The following TRMT44 variants were observed in gnomAD, a reference collection of about 807,000 sequenced individuals.
TRMT44 encodes the protein tRNA methyltransferase 44 homolog, also known as probable tRNA (uracil-O(2)-)-methyltransferase.
In TRMT44, 78 loss-of-function variants were observed where a neutral mutation model predicts 77.3. The observed-to-expected ratio is 1.01, with a 90% confidence interval of 0.84 to 1.22. The LOEUF (loss-of-function observed/expected upper bound fraction) is 1.22. Ranked by LOEUF, TRMT44 falls within the 50% of genes most tolerant of loss-of-function variation. The pLI is 0.00. For missense variants in TRMT44, 1,090 were observed against 964.4 expected (o/e 1.13, Z -1.73); for synonymous variants, 391 against 383.3 (o/e 1.02, Z -0.23).
intron 2 of TRMT44, among the ~76,000 whole-genome samples, chr4:8,449,378 C>T (rs1390939157): frequency 6.6e-6 from 1 of 152,214 alleles, no homozygotes; most frequent in Non-Finnish European, 1.5e-5. Context: ...GACTCTGGCT[C>T]CTTGTGCATG....
the TRMT44 span, chr4:8,508,667 A>T: frequency 2.0e-5 from 3 of 152,308 alleles, no homozygotes; most frequent in African/African-American, 7.2e-5. Flanking sequence ...CAGATCCCCC[A>T]TGAGTGTGAG....
downstream of TRMT44, among the ~76,000 whole-genome samples, chr4:8,496,500 C>G (rs1728155501): frequency 6.6e-6 from 1 of 152,178 alleles, no homozygotes. Context: ...CATGCAGGAG[C>G]TCAACCATGC....
intron 6 of TRMT44, among the ~76,000 whole-genome samples, chr4:8,457,402 A>G (rs1190905409): frequency 6.6e-6 from 1 of 152,166 alleles, no homozygotes; most frequent in African/African-American, 2.4e-5. Flanking sequence ...GTAAGGGACT[A>G]CCTTTTAAAG....
At position 8,461,076 on chromosome 4, in the gene TRMT44, C is replaced by T. The variant is rs555496807; in HGVS notation, c.1204-2909C>T. The stretch of plus-strand genomic sequence containing the variant: ...ATGTTGCCCAGGCTGGTCTCAAACT[C>T]TGGGGCTCAAGTGATCCTCCCACCT... On this transcript the variant is annotated intron_variant, in intron 6 of 10. Transcript: ENST00000389737. This position sits in a 1 kb window ranked among gnomAD's most constrained non-coding sequence, Gnocchi z 4.6. Among the ~76,000 whole-genome samples the T allele has an allele frequency of 6.6e-6, 1 of 151,826 alleles. No individual in the cohort carries two copies. The highest frequency in any genetic ancestry group is 1.5e-5 in the Non-Finnish European group (1 of 67,998).
chr4:8,502,002 C>T, the TRMT44 span, among the ~76,000 whole-genome samples: 1 of 152,212 alleles, frequency 6.6e-6, no homozygotes, highest in Non-Finnish European at 1.5e-5. Context: ...CAGGAGGAGA[C>T]AGACAACTGG....
At chr4:8,489,425 G>A (rs1189368714) in intron 2 of TRMT44, among the ~76,000 whole-genome samples, 1 of 152,100 alleles carries the variant, frequency 6.6e-6, no homozygotes, top group African/African-American at 2.4e-5. Context: ...CATAGGGCTG[G>A]GCTAACTTTG....
rs1435473190 is a variant in TRMT44 at position 8,440,981 on chromosome 4, C to T, written c.159C>T (p.Cys53=). The T allele has an allele frequency of 2.6e-6, 4 of 1,523,194 alleles. No homozygotes were observed. Among genetic ancestry groups the T allele is most frequent in the Non-Finnish European group, 3.5e-6 (4 of 1,142,292 alleles). The allele number at this position is 1,523,194 out of a possible 1,614,324, so 94.4% of individuals were successfully genotyped here. The part of the protein sequence containing the change: ...LEARWSAALP[C]AEARGPGTSA... Reference sequence around the variant, plus strand: ...CCCGCTGGAGCGCCGCCCTGCCCTGCGCGGAGGCCCGCGGCCCCGGGACTA... The same window carrying T: ...CCCGCTGGAGCGCCGCCCTGCCCTGTGCGGAGGCCCGCGGCCCCGGGACTA... The change falls in exon 1 of 11, where the codon TGC becomes TGT. Residue 53 remains cysteine (C), a synonymous_variant. Coordinates refer to ENST00000389737, the MANE Select transcript of TRMT44 (RefSeq NM_152544.3).
chr4:8,479,320 G>A (rs572574232), downstream of TRMT44: 2 of 152,004 alleles, frequency 1.3e-5, no homozygotes, highest in Admixed American at 1.3e-4. Context: ...AGAAAGCACA[G>A]TCATGTGTCA....
chr4:8,495,926 G>A (rs1728136672), downstream of TRMT44, among the ~76,000 whole-genome samples: 1 of 152,240 alleles, frequency 6.6e-6, no homozygotes, highest in Non-Finnish European at 1.5e-5. Context: ...CAATCAGACT[G>A]GTCGTGGGCG....
intron 9 of TRMT44, 149 bp downstream of exon 9, chr4:8,468,495 A>C: frequency 1.3e-6 from 1 of 746,042 alleles, no homozygotes; most frequent in East Asian, 2.6e-5. Flanking sequence ...GGCTCTCTTC[A>C]AGCAAATTCT....
At chr4:8,506,947 G>A in the TRMT44 span, 2 of 152,850 alleles carry the variant, frequency 1.3e-5, no homozygotes, top group East Asian at 1.9e-4. Context: ...CAGCGTGGGT[G>A]GAATTGTGGA....
chr4:8,496,986 A>C (rs1728167826), downstream of TRMT44, among the ~76,000 whole-genome samples: 1 of 152,158 alleles, frequency 6.6e-6, no homozygotes, highest in African/African-American at 2.4e-5. Context: ...CTTCACTCTA[A>C]GAAAAGTAAA....
At chr4:8,503,783 T>C in the TRMT44 span, among the ~76,000 whole-genome samples, 2,240 of 152,342 alleles carry the variant, frequency 0.015, 51 homozygotes, top group African/African-American at 0.051. Flanking sequence ...TGTCCCCGCA[T>C]CTCTGGCTGT....
At chr4:8,487,423 G>T (rs757436086) in intron 2 of TRMT44, among the ~76,000 whole-genome samples, 2 of 152,000 alleles carry the variant, frequency 1.3e-5, no homozygotes, top group South Asian at 2.1e-4. Flanking sequence ...GGGTCGGATC[G>T]TGGAAATAAG....
At chr4:8,482,200 A>T (rs537069104) in intron 2 of TRMT44, 1 of 152,004 alleles carries the variant, frequency 6.6e-6, no homozygotes, top group African/African-American at 2.4e-5. Flanking sequence ...TTCTTCAGGA[A>T]CCGCCTGGAG....
At chr4:8,468,753 C>T (rs1337435325) in intron 9 of TRMT44, among the ~76,000 whole-genome samples, 1 of 152,138 alleles carries the variant, frequency 6.6e-6, no homozygotes, top group Non-Finnish European at 1.5e-5. Flanking sequence ...CTTTGAAATC[C>T]CCAAAACACA....
downstream of TRMT44, among the ~76,000 whole-genome samples, chr4:8,496,146 C>T (rs548204056): frequency 6.6e-6 from 1 of 152,340 alleles, no homozygotes; most frequent in South Asian, 2.1e-4. Context: ...TAGAGTGAAG[C>T]AATGGGAAAC....
intron 9 of TRMT44, among the ~76,000 whole-genome samples, chr4:8,470,289 A>G (rs923031379): frequency 6.6e-6 from 1 of 152,184 alleles, no homozygotes; most frequent in Non-Finnish European, 1.5e-5. Context: ...CTCCTGGGTC[A>G]GGAGTGTGGT....
chr4:8,460,850 C>T (rs1486289803), intron 6 of TRMT44, among the ~76,000 whole-genome samples: 1 of 151,538 alleles, frequency 6.6e-6, no homozygotes, highest in Non-Finnish European at 1.5e-5. Flanking sequence ...CACACGCAGC[C>T]CCCCTTTTAT....
Sources: gnomAD v4.1 joint callset for allele counts (sites outside exome capture counted in the v4.1 genomes callset) on GRCh38, gnomAD v4.1.1 for gene constraint, Gnocchi (gnomAD v3.1) non-coding constraint, MANE v1.5 for transcripts, NCBI Gene and HGNC (gene_info 2026-07-23, HGNC 2026-07-21) for gene names.